NR3C2: variants seen among roughly 807,000 people sequenced by gnomAD.
The protein encoded by NR3C2 is nuclear receptor subfamily 3 group C member 2, also known as mineralocorticoid receptor.
In NR3C2, 15 loss-of-function variants were observed where a neutral mutation model predicts 86.4. The observed-to-expected ratio is 0.17, with a 90% CI of 0.12 to 0.27. NR3C2 has a LOEUF of 0.27. NR3C2 is among the 10% of genes least tolerant of loss of function. The pLI, the probability that NR3C2 is intolerant of heterozygous loss-of-function variation, is 1.00. For synonymous variants in NR3C2, 458 were observed against 450.5 expected, an observed-to-expected ratio of 1.02 and a Z score of -0.21; for missense variants, 960 against 1,195.6, an observed-to-expected ratio of 0.80 and a Z score of 2.91.
Position 148,127,903 on chromosome 4 carries a change from A to G in NR3C2, c.2511-7615T>C, listed in dbSNP as rs567878911. 3.9e-5 allele frequency among the ~76,000 whole-genome samples: 6 copies of G among 152,366 alleles called. No homozygotes were observed. The South Asian group carries it at 1.2e-3, about 32-fold the overall frequency. ...ACATCCATTGTACTAAACTAAAATC[A>G]TATGATCATTTGGAAATAGTTTTAA... On this transcript the variant is annotated intron_variant, in intron 6 of 8. Coordinates refer to ENST00000358102, the MANE Select transcript of NR3C2 (RefSeq NM_000901.5).
chr4:148,099,676 A>C (rs960631854), intron 8 of NR3C2, among the ~76,000 whole-genome samples: 6 of 152,226 alleles, frequency 3.9e-5, no homozygotes, highest in Admixed American at 3.3e-4. Context: ...AATCCCAGGT[A>C]TTACACAGTT....
chr4:148,101,079 T>A (rs1217074748), intron 8 of NR3C2, among the ~76,000 whole-genome samples: 1 of 152,150 alleles, frequency 6.6e-6, no homozygotes, highest in Non-Finnish European at 1.5e-5. Context: ...CTCTGGAAAT[T>A]GGTTGCACAA....
Position 148,359,331 on chromosome 4 carries a change from T to C in NR3C2, c.1757+75773A>G, listed in dbSNP as rs375897919. ...CATTTTGTAACCTAGATGTAATTTT[T>C]AGAATGTATCAGACCACATAGTTCT... On this transcript the variant is annotated intron_variant, in intron 2 of 8. Transcript: ENST00000358102. 6.6e-5 allele frequency among the ~76,000 whole-genome samples: 10 copies of C among 152,308 alleles called. No individual in the cohort carries two copies. The East Asian group carries it at 1.5e-3, about 23-fold the overall frequency.
At chr4:148,108,700 G>T (rs1731915448) in intron 8 of NR3C2, among the ~76,000 whole-genome samples, 1 of 152,162 alleles carries the variant, frequency 6.6e-6, no homozygotes, top group Non-Finnish European at 1.5e-5. Flanking sequence ...CCAGGGGTAG[G>T]TTCCCATCCA....
At chr4:148,356,656 TA>T (rs1745562016) in intron 2 of NR3C2, among the ~76,000 whole-genome samples, 1 of 152,216 alleles carries the variant, frequency 6.6e-6, no homozygotes, top group Non-Finnish European at 1.5e-5. Context: ...TAAAGTAGCC[TA>T]ATGTATATGG....
intron 3 of NR3C2, among the ~76,000 whole-genome samples, chr4:148,211,889 T>C (rs1337015757): frequency 6.6e-6 from 1 of 152,212 alleles, no homozygotes; most frequent in East Asian, 1.9e-4. Flanking sequence ...TTAATGGAAT[T>C]TGTAAAAATG....
At chr4:148,335,055 GTA>G (rs1744413611) in intron 2 of NR3C2, among the ~76,000 whole-genome samples, 1 of 152,136 alleles carries the variant, frequency 6.6e-6, no homozygotes. Flanking sequence ...CTCTATTCCA[GTA>G]TGACCTCATT....
intron 2 of NR3C2, among the ~76,000 whole-genome samples, chr4:148,363,252 G>C (rs1745930564): frequency 6.6e-6 from 1 of 152,214 alleles, no homozygotes; most frequent in Non-Finnish European, 1.5e-5. Flanking sequence ...TGCTTTTAGT[G>C]ATCTCTTCAG....
intron 4 of NR3C2, among the ~76,000 whole-genome samples, chr4:148,186,566 T>C (rs908687111): frequency 6.6e-6 from 1 of 152,170 alleles, no homozygotes; most frequent in Non-Finnish European, 1.5e-5. Flanking sequence ...CCAAAGTCCA[T>C]GAATTCTCAG....
intron 6 of NR3C2, among the ~76,000 whole-genome samples, chr4:148,139,772 GT>G (rs1395074752): frequency 6.6e-6 from 1 of 152,032 alleles, no homozygotes; most frequent in Non-Finnish European, 1.5e-5. Context: ...TCCTCCACTT[GT>G]TTTTTTCAGA....
chr4:148,115,764 A>AG (rs78252883), intron 7 of NR3C2, among the ~76,000 whole-genome samples: 40,405 of 152,088 alleles, frequency 0.27, 6,148 homozygotes, highest in East Asian at 0.66. Context: ...TATTTTTGTG[A>AG]GGGGAAAAAT....
At chr4:148,320,226 C>T (rs1161139677) in intron 2 of NR3C2, among the ~76,000 whole-genome samples, 11 of 72,328 alleles carry the variant, frequency 1.5e-4, no homozygotes, top group African/African-American at 7.1e-4. Flanking sequence ...AGGGATGAAG[C>T]CCACTTGATC....
intron 2 of NR3C2, among the ~76,000 whole-genome samples, chr4:148,333,272 C>T (rs1377791016): frequency 6.6e-6 from 1 of 152,010 alleles, no homozygotes; most frequent in Non-Finnish European, 1.5e-5. Flanking sequence ...AAAATAAAAA[C>T]CAAGAAAAGA....
chr4:148,401,758 G>A (rs567850831), intron 2 of NR3C2, among the ~76,000 whole-genome samples: 12 of 152,114 alleles, frequency 7.9e-5, no homozygotes, highest in African/African-American at 2.4e-4. Context: ...CACCACGCTC[G>A]GCCTAAAGTT....
At chr4:148,256,161 A>T (rs1211017086) in intron 3 of NR3C2, among the ~76,000 whole-genome samples, 3 of 152,182 alleles carry the variant, frequency 2.0e-5, no homozygotes, top group African/African-American at 7.2e-5. Flanking sequence ...TTCAGTCTGC[A>T]CTGGAAAAGC....
At chr4:148,422,005 T>C (rs746275152) in intron 2 of NR3C2, among the ~76,000 whole-genome samples, 4 of 152,140 alleles carry the variant, frequency 2.6e-5, no homozygotes, top group Non-Finnish European at 5.9e-5. Flanking sequence ...GATCTGAATG[T>C]TTCAGAAGTC....
At chr4:148,401,227 G>A (rs1512327) in intron 2 of NR3C2, among the ~76,000 whole-genome samples, 61,590 of 151,910 alleles carry the variant, frequency 0.41, 14,372 homozygotes, top group East Asian at 0.75. Context: ...TCTACTATGT[G>A]GAATCATCCT....
chr4:148,309,226 T>C (rs561344391), intron 2 of NR3C2, among the ~76,000 whole-genome samples: 9 of 152,294 alleles, frequency 5.9e-5, no homozygotes, highest in Non-Finnish European at 1.3e-4. Context: ...AGAACTACTG[T>C]GTGCTGGAAA....
chr4:148,346,218 A>G (rs1202186128), intron 2 of NR3C2, among the ~76,000 whole-genome samples: 1 of 152,136 alleles, frequency 6.6e-6, no homozygotes, highest in Non-Finnish European at 1.5e-5. Flanking sequence ...AGACTATTAG[A>G]ACAATGCAGG....
Sources: gnomAD v4.1 joint callset for allele counts (sites outside exome capture counted in the v4.1 genomes callset) on GRCh38, gnomAD v4.1.1 for gene constraint, MANE v1.5 for transcripts, NCBI Gene and HGNC (gene_info 2026-07-23, HGNC 2026-07-21) for gene names.